SUGCT: variants seen among roughly 807,000 people sequenced by gnomAD.
The protein encoded by SUGCT is succinyl-CoA:glutarate CoA-transferase.
SUGCT carries 41 observed loss-of-function variants against 55.0 expected under a neutral mutation model. The ratio of observed to expected loss-of-function variants is 0.74; its 90% CI spans 0.58 to 0.97. The LOEUF (loss-of-function observed/expected upper bound fraction) is 0.97. SUGCT is among the 50% of genes least tolerant of loss of function. The probability of loss-of-function intolerance (pLI) is 0.00; values close to 1 mark genes in which losing one functional copy is unlikely to be tolerated. For synonymous variants in SUGCT, 187 were observed against 200.4 expected, an observed-to-expected ratio of 0.93 and a Z score of 0.56; for missense variants, 568 against 547.8, an observed-to-expected ratio of 1.04 and a Z score of -0.37.
intron 11 of SUGCT, among the ~76,000 whole-genome samples, chr7:40,468,774 G>A (rs987969359): frequency 6.6e-5 from 10 of 152,154 alleles, no homozygotes; most frequent in Non-Finnish European, 1.2e-4. Flanking sequence ...TTCAAACAGC[G>A]CAGGGAGGGT....
At chr7:40,185,560 T>C (rs1383473609) in intron 3 of SUGCT, among the ~76,000 whole-genome samples, 1 of 152,228 alleles carries the variant, frequency 6.6e-6, no homozygotes, top group African/African-American at 2.4e-5. Context: ...TTCGCTCTTC[T>C]TGCCCAGGCT....
chr7:41,033,903 G>T, the SUGCT span, among the ~76,000 whole-genome samples: 1 of 152,008 alleles, frequency 6.6e-6, no homozygotes, highest in Non-Finnish European at 1.5e-5. Flanking sequence ...GGTCTTGGGG[G>T]GCCAAGTAGG....
intron 7 of SUGCT, among the ~76,000 whole-genome samples, chr7:40,255,595 C>T (rs866383840): frequency 2.5e-5 from 3 of 117,960 alleles, no homozygotes; most frequent in Admixed American, 2.3e-4. Flanking sequence ...CGGGAGAGGG[C>T]GGTTGCAGTG....
chr7:40,644,350 T>C (rs1384796708), intron 12 of SUGCT, among the ~76,000 whole-genome samples: 1 of 152,246 alleles, frequency 6.6e-6, no homozygotes, highest in African/African-American at 2.4e-5. Context: ...TCTCTGGTTC[T>C]GGGCTGTGCC....
chr7:40,281,336 G>A (rs1003158514), intron 8 of SUGCT, among the ~76,000 whole-genome samples: 1 of 152,214 alleles, frequency 6.6e-6, no homozygotes, highest in Non-Finnish European at 1.5e-5. Context: ...TAGGATGAAA[G>A]AGTAGAGAGG....
At chr7:40,622,451 T>C (rs988434978) in intron 12 of SUGCT, among the ~76,000 whole-genome samples, 7 of 151,368 alleles carry the variant, frequency 4.6e-5, no homozygotes, top group African/African-American at 1.7e-4. Context: ...CGGTCAGCAA[T>C]ATGAAGACCA....
chr7:40,224,738 C>T (rs929517076), intron 6 of SUGCT, among the ~76,000 whole-genome samples: 28 of 152,130 alleles, frequency 1.8e-4, no homozygotes, highest in African/African-American at 6.5e-4. Context: ...ATTAAATTCC[C>T]GCTATACTAC....
chr7:41,000,258 A>G, the SUGCT span, among the ~76,000 whole-genome samples: 1 of 152,090 alleles, frequency 6.6e-6, no homozygotes, highest in South Asian at 2.1e-4. Flanking sequence ...GCAAACAGGC[A>G]TGCACATGCA....
intron 1 of SUGCT, among the ~76,000 whole-genome samples, chr7:40,177,646 C>T (rs1784992399): frequency 6.6e-6 from 1 of 152,200 alleles, no homozygotes; most frequent in African/African-American, 2.4e-5. Flanking sequence ...TTATCCCATA[C>T]CGCAATGCAA....
intron 9 of SUGCT, among the ~76,000 whole-genome samples, chr7:40,405,808 TAAAAAAAAAAA>T (rs60966218): frequency 1.1e-5 from 1 of 90,954 alleles, no homozygotes; most frequent in Non-Finnish European, 2.3e-5. Flanking sequence ...AGACTCTGTC[TAAAAAAAAAAA>T]AAAAAAAAAA....
chr7:40,631,222 GT>G (rs200000243), intron 12 of SUGCT, among the ~76,000 whole-genome samples: 6 of 150,268 alleles, frequency 4.0e-5, no homozygotes, highest in East Asian at 2.0e-4. Context: ...CAGTGATTCT[GT>G]TTTTTTTTCA....
At chr7:40,355,673 A>G (rs1365369661) in intron 9 of SUGCT, among the ~76,000 whole-genome samples, 1 of 152,260 alleles carries the variant, frequency 6.6e-6, no homozygotes, top group African/African-American at 2.4e-5. Context: ...TTTATAAGAC[A>G]GATTTACTAA....
At chr7:40,906,290 T>A in the SUGCT span, among the ~76,000 whole-genome samples, 550 of 152,304 alleles carry the variant, frequency 3.6e-3, 6 homozygotes, top group African/African-American at 9.6e-3. Context: ...CTCTGAAACT[T>A]TCTTTCCACA....
At chr7:40,186,122 T>TTCCTTCCTTCCTTCCTTCCTTCCTTC (rs1562561343) in intron 3 of SUGCT, among the ~76,000 whole-genome samples, 32 of 130,668 alleles carry the variant, frequency 2.4e-4, no homozygotes, top group African/African-American at 1.3e-3. Context: ...TTCCTTCCTT[T>TTCCTTCCTTCCTTCCTTCCTTCCTTC]CTTTCCTTCT....
At chr7:40,794,839 T>C (rs1790475069) in intron 13 of SUGCT, among the ~76,000 whole-genome samples, 1 of 152,174 alleles carries the variant, frequency 6.6e-6, no homozygotes, top group South Asian at 2.1e-4. Context: ...TTTCCATAAA[T>C]AGAAGTTTTG....
the SUGCT span, among the ~76,000 whole-genome samples, chr7:40,953,912 A>T: frequency 6.6e-6 from 1 of 152,198 alleles, no homozygotes; most frequent in African/African-American, 2.4e-5. Flanking sequence ...GACCCACTTG[A>T]GGAGGCAGTC....
At chr7:40,469,144 C>T (rs1376315158) in intron 11 of SUGCT, among the ~76,000 whole-genome samples, 1 of 152,036 alleles carries the variant, frequency 6.6e-6, no homozygotes, top group East Asian at 1.9e-4. Context: ...TTCTTTTTTC[C>T]ATATGATCAC....
intron 9 of SUGCT, among the ~76,000 whole-genome samples, chr7:40,361,351 G>A (rs1421729054): frequency 6.6e-6 from 1 of 151,992 alleles, no homozygotes; most frequent in Non-Finnish European, 1.5e-5. Flanking sequence ...GAGGTGGGTG[G>A]ATCATGAGGT....
At chr7:40,902,744 C>G in the SUGCT span, among the ~76,000 whole-genome samples, 1 of 152,088 alleles carries the variant, frequency 6.6e-6, no homozygotes, top group African/African-American at 2.4e-5. Flanking sequence ...ATTTGTATGT[C>G]TCTCTCTGTC....
Sources: gnomAD v4.1 joint callset for allele counts (sites outside exome capture counted in the v4.1 genomes callset) on GRCh38, gnomAD v4.1.1 for gene constraint, MANE v1.5 for transcripts, NCBI Gene and HGNC (gene_info 2026-07-23, HGNC 2026-07-21) for gene names.